CWF19L2: variants seen among roughly 807,000 people sequenced by gnomAD.
CWF19L2 encodes the protein CWF19 like cell cycle control factor 2, also known as CWF19-like protein 2.
Under a neutral mutation model 111.7 loss-of-function variants are expected in CWF19L2, and 98 were observed. That is an observed-to-expected ratio of 0.88 (90% CI 0.75 to 1.04). The LOEUF is 1.04. Among genes scored for constraint, CWF19L2 ranks in the 50% least tolerant of loss-of-function variants. CWF19L2 has a pLI of 0.00. For missense variants in CWF19L2, 1,101 were observed against 1,051.4 expected (o/e 1.05, Z -0.65); for synonymous variants, 351 against 342.9 (o/e 1.02, Z -0.26).
chr11:107,388,279 G>C (rs679425), intron 12 of CWF19L2, among the ~76,000 whole-genome samples: 56 of 152,324 alleles, frequency 3.7e-4, no homozygotes, highest in African/African-American at 1.3e-3. Context: ...ATAAGCGCCT[G>C]AGGGCACAAA....
chr11:107,388,333 T>C (rs1860800453), intron 12 of CWF19L2, among the ~76,000 whole-genome samples: 3 of 152,326 alleles, frequency 2.0e-5, no homozygotes, highest in African/African-American at 7.2e-5. Flanking sequence ...TAAAATGGTA[T>C]CTGACACTAA....
chr11:107,441,505 G>C lies in CWF19L2; in HGVS notation c.568C>G (p.Gln190Glu). ...IEQEKNQALE[Q>E]SKLMERELNP... ...AAGCATTTCAAATATTCTCTTACCT[G>C]TTCAAGCGCTTGGTTTTTCTCTTGC... Residue 190 changes from glutamine (Q) to glutamate (E), a missense_variant and splice_region_variant, in exon 5 of 18, where the codon CAG becomes GAG. Transcript: ENST00000282251. The C allele has an allele frequency of 2.6e-6, 4 of 1,532,298 alleles. No homozygotes were observed. The highest frequency in any genetic ancestry group is 3.5e-6 in the Non-Finnish European group (4 of 1,140,822). The allele number at this position is 1,532,298 out of a possible 1,614,324, so 94.9% of individuals were successfully genotyped here.
At position 107,371,322 on chromosome 11, in the gene CWF19L2, G is replaced by A. The variant is rs1488275663; in HGVS notation, c.1873-17586C>T. Reference sequence around the variant, plus strand: ...CCGGCCTCTAGTTTCTATCTTTAGTGTTAATGGGTCATGCATATTATGCCA... The same window carrying A: ...CCGGCCTCTAGTTTCTATCTTTAGTATTAATGGGTCATGCATATTATGCCA... On this transcript the variant is annotated intron_variant, in intron 12 of 17. Coordinates refer to ENST00000282251, the MANE Select transcript of CWF19L2 (RefSeq NM_152434.3). Among the ~76,000 whole-genome samples the A allele has an allele frequency of 1.5e-5, 2 of 137,502 alleles. 1 individual carries two copies. Among genetic ancestry groups the A allele is most frequent in the Non-Finnish European group, 3.1e-5 (2 of 64,160 alleles). The allele number at this position is 137,502 out of a possible 152,430, so 90.2% of individuals were successfully genotyped here.
intron 14 of CWF19L2, among the ~76,000 whole-genome samples, chr11:107,345,742 A>G (rs1218537379): frequency 6.6e-6 from 1 of 152,166 alleles, no homozygotes; most frequent in African/African-American, 2.4e-5. Flanking sequence ...TTTGATCAAC[A>G]TCAAGCATGA....
chr11:107,341,053 A>G lies in CWF19L2; in HGVS notation c.2203-4340T>C, dbSNP rs552988717. ...GAGTCATCCGACATACACCTTCCCAACCAAAGTTGAACAAAGCAATGGTCT... is the reference window on the plus strand; with the variant it reads ...GAGTCATCCGACATACACCTTCCCAGCCAAAGTTGAACAAAGCAATGGTCT... On this transcript the variant is annotated intron_variant, in intron 14 of 17. Transcript: ENST00000282251. Among the ~76,000 whole-genome samples, 27 of 152,290 alleles carry G rather than the reference A, an allele frequency of 1.8e-4. No individual in the cohort carries two copies. The South Asian group carries it at 5.4e-3, about 30-fold the overall frequency.
At chr11:107,386,158 T>C (rs575992117) in intron 12 of CWF19L2, among the ~76,000 whole-genome samples, 2 of 152,234 alleles carry the variant, frequency 1.3e-5, no homozygotes, top group East Asian at 3.9e-4. Context: ...AAACTACAGA[T>C]AAGTACCACC....
chr11:107,407,420 A>T, intron 10 of CWF19L2, among the ~76,000 whole-genome samples: 1 of 152,060 alleles, frequency 6.6e-6, no homozygotes, highest in Non-Finnish European at 1.5e-5. Context: ...AAATTCTGGA[A>T]ACAGAACATA....
Position 107,402,873 on chromosome 11 carries a change from G to GTGTGTATATATA in CWF19L2, c.1618-9979_1618-9978insTATATATACACA, listed in dbSNP as rs1247886311. Reference sequence around the variant, plus strand: ...CGAGTGGATAAACAAACTGTGGTGTGTATATATATATATATATATATATAT... The same window carrying GTGTGTATATATA: ...CGAGTGGATAAACAAACTGTGGTGTGTGTGTATATATATATATATATATATATATATATATAT... On this transcript the variant is annotated intron_variant, in intron 10 of 17. Coordinates refer to ENST00000282251, the MANE Select transcript of CWF19L2 (RefSeq NM_152434.3). Among the ~76,000 whole-genome samples, 27 of 94,444 alleles carry GTGTGTATATATA rather than the reference G, an allele frequency of 2.9e-4. 1 individual carries two copies. The highest frequency in any genetic ancestry group is 1.2e-3 in the East Asian group (4 of 3,354). 62.0% of individuals were successfully genotyped at this position (94,444 alleles called of 152,430 possible). A position where few individuals can be genotyped will look rare whatever the true frequency, so the allele number is the denominator to read the frequency against.
At chr11:107,370,592 T>A (rs1346337362) in intron 12 of CWF19L2, among the ~76,000 whole-genome samples, 1 of 129,864 alleles carries the variant, frequency 7.7e-6, no homozygotes, top group Non-Finnish European at 1.6e-5. Flanking sequence ...AGAGAAGAAA[T>A]CACTGAGGTC....
intron 6 of CWF19L2, among the ~76,000 whole-genome samples, chr11:107,436,738 T>C (rs775145524): frequency 2.0e-5 from 3 of 152,138 alleles, no homozygotes; most frequent in South Asian, 2.1e-4. Context: ...GTAATAAAAA[T>C]AGTCTTCCAC....
At position 107,353,605 on chromosome 11, in the gene CWF19L2, A is replaced by G. The variant is rs918810579; in HGVS notation, c.2004T>C (p.Leu668=). 1 of 1,613,856 alleles carries G rather than the reference A, an allele frequency of 6.2e-7. No homozygotes were observed. The highest frequency in any genetic ancestry group is 2.2e-5 in the East Asian group (1 of 44,862). Residue 668 remains leucine, a synonymous_variant, in exon 13 of 18, where the codon CTT becomes CTC. Coordinates refer to ENST00000282251, the MANE Select transcript of CWF19L2 (RefSeq NM_152434.3). Reference sequence around the variant, plus strand: ...ACAGACATTTTTCCATTTGTGCAGCAAGACTCCGATGCTCAGCAATAGCTT... The same window carrying G: ...ACAGACATTTTTCCATTTGTGCAGCGAGACTCCGATGCTCAGCAATAGCTT... ...RKKAIAEHRS[L]AAQMEKCLYC...
In CWF19L2 at chr11:107,370,267, C is replaced by G. The variant is rs1337530244; in HGVS notation, c.1873-16531G>C. ...AAAAGTCAGCAGCTAAACAGATATG[C>G]TCAATAAATCATGCTAACTAACCAA... On this transcript the variant is annotated intron_variant, in intron 12 of 17. Coordinates refer to ENST00000282251, the MANE Select transcript of CWF19L2 (RefSeq NM_152434.3). Among the ~76,000 whole-genome samples, 2 of 136,898 alleles carry G rather than the reference C, an allele frequency of 1.5e-5. 1 individual carries two copies. The highest frequency in any genetic ancestry group is 3.1e-5 in the Non-Finnish European group (2 of 64,008). 89.8% of individuals were successfully genotyped at this position (136,898 alleles called of 152,430 possible). A position where few individuals can be genotyped will look rare whatever the true frequency, so the allele number is the denominator to read the frequency against.
chr11:107,426,598 T>C (rs1156708514), intron 8 of CWF19L2, among the ~76,000 whole-genome samples: 3 of 151,766 alleles, frequency 2.0e-5, no homozygotes, highest in African/African-American at 4.8e-5. Context: ...AAATATTAGG[T>C]TATGCCTAAG....
At chr11:107,328,411 T>C (rs1254276812) in intron 17 of CWF19L2, among the ~76,000 whole-genome samples, 2 of 152,198 alleles carry the variant, frequency 1.3e-5, no homozygotes, top group East Asian at 3.8e-4. Flanking sequence ...AGCTTGACTC[T>C]TGTTCTGTTA....
Position 107,419,060 on chromosome 11 carries a change from G to A in CWF19L2, c.1434-773C>T, listed in dbSNP as rs559535566. ...CATAAGAAAATCCCAGAGAACTGCA[G>A]AGGGTTCCCCTTGAGTACTCAGCAA... On this transcript the variant is annotated intron_variant, in intron 8 of 17. Coordinates refer to ENST00000282251, the MANE Select transcript of CWF19L2 (RefSeq NM_152434.3). 1.2e-4 allele frequency among the ~76,000 whole-genome samples: 19 copies of A among 152,316 alleles called. No individual in the cohort carries two copies. In the South Asian group the frequency reaches 2.1e-3, roughly 17 times the overall value.
Position 107,367,705 on chromosome 11 carries a change from A to G in CWF19L2, c.1873-13969T>C, listed in dbSNP as rs1171510157. On this transcript the variant is annotated intron_variant, in intron 12 of 17. Transcript: ENST00000282251. ...GGTGGGGGGAGGGGGGAGGGATAGC[A>G]TTGGGAGATATACCTAATGCTAGAT... 3.9e-5 allele frequency among the ~76,000 whole-genome samples: 4 copies of G among 103,370 alleles called. 1 individual carries two copies. The highest frequency in any genetic ancestry group is 8.2e-5 in the Non-Finnish European group (4 of 48,716). 67.8% of individuals were successfully genotyped at this position (103,370 alleles called of 152,430 possible).
chr11:107,434,985 T>C (rs1861520321), intron 6 of CWF19L2, among the ~76,000 whole-genome samples: 2 of 152,106 alleles, frequency 1.3e-5, no homozygotes, highest in South Asian at 4.1e-4. Flanking sequence ...ATGTAAGCTA[T>C]TGTAGGAAGG....
chr11:107,448,703 G>A (rs962296862), intron 3 of CWF19L2, among the ~76,000 whole-genome samples: 3 of 152,110 alleles, frequency 2.0e-5, no homozygotes, highest in African/African-American at 7.2e-5. Flanking sequence ...GCCTTTGGGA[G>A]ATGACTGGGA....
chr11:107,403,702 G>A (rs1189566996), intron 10 of CWF19L2: 5 of 802,902 alleles, frequency 6.2e-6, no homozygotes, highest in East Asian at 2.4e-5. Context: ...GACTGCACTC[G>A]GCTTGCTCTG....
Sources: gnomAD v4.1 joint callset for allele counts (sites outside exome capture counted in the v4.1 genomes callset) on GRCh38, gnomAD v4.1.1 for gene constraint, MANE v1.5 for transcripts, NCBI Gene and HGNC (gene_info 2026-07-23, HGNC 2026-07-21) for gene names.